Variants in BMPR2 observed in about 807,000 individuals in gnomAD.
BMPR2 encodes the protein bone morphogenetic protein receptor type-2.
A neutral mutation model predicts 100.8 loss-of-function variants in BMPR2; 29 were observed. The observed-to-expected ratio is 0.29, with a 90% confidence interval of 0.21 to 0.39. BMPR2 has a LOEUF of 0.39. Ranked by LOEUF, BMPR2 falls within the 10% of genes least tolerant of loss-of-function variation. BMPR2 has a pLI of 1.00. For synonymous variants in BMPR2, 382 were observed against 442.3 expected (o/e 0.86, Z 1.71); for missense variants, 1,011 against 1,274.5 (o/e 0.79, Z 3.15).
At chr2:202,393,895 G>GAGAGAGAGAGAGAGAGAGAGAGAA (rs1690605678) in intron 1 of BMPR2, among the ~76,000 whole-genome samples, 1 of 97,644 alleles carries the variant, frequency 1.0e-5, no homozygotes. Context: ...GAGAGAGAGA[G>GAGAGAGAGAGAGAGAGAGAGAGAA]AGAGAGAGAG....
chr2:202,468,645 T>C (rs927773615), intron 3 of BMPR2, among the ~76,000 whole-genome samples: 1 of 152,200 alleles, frequency 6.6e-6, no homozygotes, highest in Non-Finnish European at 1.5e-5. Flanking sequence ...GCAGTGTTAT[T>C]TGTAACTGCA....
intron 1 of BMPR2, among the ~76,000 whole-genome samples, chr2:202,439,558 T>C (rs1445670587): frequency 6.7e-6 from 1 of 149,538 alleles, no homozygotes; most frequent in Non-Finnish European, 1.5e-5. Flanking sequence ...TGTCTTTTTA[T>C]TTCATTGTTC....
At chr2:202,536,129 A>T (rs1688152814) in intron 9 of BMPR2, among the ~76,000 whole-genome samples, 1 of 151,962 alleles carries the variant, frequency 6.6e-6, no homozygotes, top group East Asian at 1.9e-4. Context: ...AAATTTTTTT[A>T]AGAGACAGAG....
At chr2:202,508,747 T>C (rs1402510319) in intron 3 of BMPR2, among the ~76,000 whole-genome samples, 1 of 152,228 alleles carries the variant, frequency 6.6e-6, no homozygotes, top group Admixed American at 6.5e-5. Flanking sequence ...TAGTAGTAAG[T>C]TTTTTATAAT....
rs780097645 is a variant in BMPR2, at chr2:202,555,761, T to C, written c.2096T>C (p.Leu699Pro). The C allele has an allele frequency of 3.7e-6, 6 of 1,614,052 alleles. No individual in the cohort carries two copies. The highest frequency in any genetic ancestry group is 1.1e-5 in the South Asian group (1 of 91,086). The change falls in exon 12 of 13, where the codon CTG (leucine) becomes CCG (proline). Residue 699 changes from leucine to proline, a missense_variant. Transcript: ENST00000374580. ...SLKQFSGPDPLSSTSSSLLYP... is the reference protein window; with the variant it reads ...SLKQFSGPDPPSSTSSSLLYP... ...AAACAGTTCAGTGGCCCAGACCCACTGAGCAGTACTAGTTCTAGCTTGCTT... is the reference window on the plus strand; with the variant it reads ...AAACAGTTCAGTGGCCCAGACCCACCGAGCAGTACTAGTTCTAGCTTGCTT...
chr2:202,390,335 T>G (rs979074120), intron 1 of BMPR2, among the ~76,000 whole-genome samples: 13 of 68,652 alleles, frequency 1.9e-4, no homozygotes. Context: ...TCTTTCGTGT[T>G]TTTTTTTTTT....
At chr2:202,421,935 A>T (rs1487820884) in intron 1 of BMPR2, among the ~76,000 whole-genome samples, 1 of 152,108 alleles carries the variant, frequency 6.6e-6, no homozygotes, top group African/African-American at 2.4e-5. Flanking sequence ...TTTGAGATGG[A>T]GTCTCGCTCT....
chr2:202,476,027 T>C (rs1291278383), intron 3 of BMPR2, among the ~76,000 whole-genome samples: 1 of 145,658 alleles, frequency 6.9e-6, no homozygotes. Context: ...TGAGCCAAGA[T>C]TGCAGCATTG....
intron 1 of BMPR2, among the ~76,000 whole-genome samples, chr2:202,408,811 CAG>C (rs1690952326): frequency 6.6e-6 from 1 of 152,188 alleles, no homozygotes; most frequent in African/African-American, 2.4e-5. Flanking sequence ...CTTGGAAACA[CAG>C]GGTATAACAT....
intron 1 of BMPR2, among the ~76,000 whole-genome samples, chr2:202,378,130 A>T (rs1403041513): frequency 6.6e-6 from 1 of 152,152 alleles, no homozygotes; most frequent in Non-Finnish European, 1.5e-5. Context: ...CGGTTTGATA[A>T]CTTTACTGTT....
At position 202,390,980 on chromosome 2, in the gene BMPR2, CTTTT is replaced by C. The variant is rs11459505; in HGVS notation, c.76+13454_76+13457del. On this transcript the variant is annotated intron_variant, in intron 1 of 12. Coordinates refer to ENST00000374580, the MANE Select transcript of BMPR2 (RefSeq NM_001204.7). ...ACCAAAAATGCTTTTAGTAAGTAGT[CTTTT>C]TTTTTTTTTTTTTTTTTTTTTTTGG... Among the ~76,000 whole-genome samples, 9 of 51,928 alleles carry C rather than the reference CTTTT, an allele frequency of 1.7e-4. No individual in the cohort carries two copies. In the South Asian group the frequency reaches 4.4e-3, roughly 26 times the overall value. 34.1% of individuals were successfully genotyped at this position (51,928 alleles called of 152,430 possible).
intron 3 of BMPR2, among the ~76,000 whole-genome samples, chr2:202,473,561 C>T (rs1320775493): frequency 6.6e-6 from 1 of 152,108 alleles, no homozygotes; most frequent in East Asian, 1.9e-4. Flanking sequence ...GAGGCCAAGG[C>T]GGGCGGCTCA....
chr2:202,552,251 A>C (rs750616586), intron 10 of BMPR2, among the ~76,000 whole-genome samples: 2 of 152,170 alleles, frequency 1.3e-5, no homozygotes, highest in Non-Finnish European at 2.9e-5. Context: ...CAGCCTCCCA[A>C]AGTGCTGGGA....
intron 11 of BMPR2, among the ~76,000 whole-genome samples, chr2:202,553,253 C>CT (rs542855852): frequency 1.8e-4 from 26 of 147,608 alleles, no homozygotes; most frequent in South Asian, 4.2e-4. Flanking sequence ...TCTTCCTCTG[C>CT]TTTTTTTTTT....
intron 1 of BMPR2, among the ~76,000 whole-genome samples, chr2:202,423,933 A>G (rs1691325251): frequency 6.6e-6 from 1 of 151,958 alleles, no homozygotes; most frequent in East Asian, 1.9e-4. Context: ...CATACCACGG[A>G]TGTGGTGGCC....
intron 7 of BMPR2, among the ~76,000 whole-genome samples, chr2:202,524,138 G>A (rs373981086): frequency 9.9e-5 from 15 of 151,974 alleles, no homozygotes; most frequent in African/African-American, 3.6e-4. Context: ...TGAGGCAGGC[G>A]GATCACGAGG....
At chr2:202,493,840 C>T (rs556522156) in intron 3 of BMPR2, among the ~76,000 whole-genome samples, 68 of 152,256 alleles carry the variant, frequency 4.5e-4, no homozygotes, top group African/African-American at 1.5e-3. Flanking sequence ...ATAATTCACT[C>T]ATCGAATGCC....
intron 10 of BMPR2, among the ~76,000 whole-genome samples, chr2:202,549,051 A>G (rs2075415660): frequency 1.3e-5 from 2 of 152,166 alleles, no homozygotes; most frequent in South Asian, 4.2e-4. Flanking sequence ...TCTATCCCCC[A>G]TGAGTCCCCA....
In BMPR2 at chr2:202,376,601, G is replaced by T. The variant is rs1471355294; in HGVS notation, c.-874G>T. Among the ~76,000 whole-genome samples the T allele has an allele frequency of 7.1e-6, 1 of 140,682 alleles. No homozygotes were observed. The highest frequency in any genetic ancestry group is 1.5e-5 in the Non-Finnish European group (1 of 64,930). The allele number at this position is 140,682 out of a possible 152,430, so 92.3% of individuals were successfully genotyped here. A position where few individuals can be genotyped will look rare whatever the true frequency, so the allele number is the denominator to read the frequency against. On this transcript the variant is annotated 5_prime_UTR_variant, in exon 1 of 13. Coordinates refer to ENST00000374580, the MANE Select transcript of BMPR2 (RefSeq NM_001204.7). ...GATTCGCTCACAGGAGCCATTGACG[G>T]GAGAAGAGGAGGCTTTCTTGGTGGA... is the stretch of plus-strand genomic sequence containing the variant.
Sources: gnomAD v4.1 joint callset for allele counts (sites outside exome capture counted in the v4.1 genomes callset) on GRCh38, gnomAD v4.1.1 for gene constraint, MANE v1.5 for transcripts, NCBI Gene and HGNC (gene_info 2026-07-23, HGNC 2026-07-21) for gene names.